The following ADCY1 variants were observed in gnomAD, a reference collection of about 807,000 sequenced individuals.
ADCY1 encodes adenylate cyclase type 1.
ADCY1 carries 28 observed loss-of-function variants against 105.4 expected under a neutral mutation model. The observed-to-expected ratio is 0.27, with a 90% confidence interval of 0.20 to 0.36. The LOEUF (loss-of-function observed/expected upper bound fraction) is 0.36, where lower values mean the gene tolerates loss of function less well. ADCY1 is among the 10% of genes least tolerant of loss of function. The pLI is 1.00. For missense variants in ADCY1, 977 were observed against 1,434.2 expected, an observed-to-expected ratio of 0.68 and a Z score of 5.15; for synonymous variants, 655 against 623.8, an observed-to-expected ratio of 1.05 and a Z score of -0.75.
chr7:45,669,512 A>G (rs188243468), intron 8 of ADCY1, among the ~76,000 whole-genome samples: 1 of 152,038 alleles, frequency 6.6e-6, no homozygotes, highest in Non-Finnish European at 1.5e-5. Flanking sequence ...TTATAATTTC[A>G]GTTCTTTTAC....
Position 45,586,509 on chromosome 7 carries a change from A to G in ADCY1, c.640-6250A>G, listed in dbSNP as rs191625554. On this transcript the variant is annotated intron_variant, in intron 1 of 19. Transcript: ENST00000297323. ...TGAGTACCCATCACTGGCTCCAACA[A>G]TTATCAGCATTCTGCCGGCCCTGTT... 3.3e-5 allele frequency among the ~76,000 whole-genome samples: 5 copies of G among 152,300 alleles called. No homozygotes were observed. In the East Asian group the frequency reaches 9.6e-4, roughly 29 times the overall value.
At position 45,713,888 on chromosome 7, in the gene ADCY1, A is replaced by G. The variant is rs1026002662; in HGVS notation, c.3253A>G (p.Arg1085Gly). ...CPFGRAGLQG[R>G]RPPVCPMPGV... Reference sequence around the variant, plus strand: ...ATTTGGGAGAGCTGGCCTTCAGGGCAGACGTCCCCCCGTGTGCCCCATGCC... The same window carrying G: ...ATTTGGGAGAGCTGGCCTTCAGGGCGGACGTCCCCCCGTGTGCCCCATGCC... Residue 1085 changes from arginine to glycine, a missense_variant, in exon 20 of 20, where the codon AGA becomes GGA. By Grantham distance (125) the Arg-to-Gly change is moderately radical. Transcript: ENST00000297323. 6 of 780,596 alleles carry G rather than the reference A, an allele frequency of 7.7e-6. No homozygotes were observed. In the African/African-American group the frequency reaches 8.4e-5, roughly 11 times the overall value. 48.4% of individuals were successfully genotyped at this position (780,596 alleles called of 1,614,324 possible).
In ADCY1 at chr7:45,642,379, C is replaced by T. The variant is rs562936351; in HGVS notation, c.1021-6291C>T. Among the ~76,000 whole-genome samples the T allele has an allele frequency of 7.2e-5, 11 of 152,108 alleles. No individual in the cohort carries two copies. The South Asian group carries it at 2.3e-3, about 32-fold the overall frequency. On this transcript the variant is annotated intron_variant, in intron 4 of 19. Transcript: ENST00000297323. ...AGAATTAGATTAGACAAAGGGTGGT[C>T]AGGGGATGGACTGGGGATGGGTTGG...
chr7:45,713,695 G>T lies in ADCY1; in HGVS notation c.3060G>T (p.Val1020=). The change falls in exon 20 of 20, where the codon GTG becomes GTT. Residue 1020 remains valine (V), a splice_region_variant and synonymous_variant. Coordinates refer to ENST00000297323, the MANE Select transcript of ADCY1 (RefSeq NM_021116.4). Reference sequence around the variant, plus strand: ...CACTCACTTCTCTCCATCAACAGGTGACTGAGGAAGTCCACCGGCTGCTGA... The same window carrying T: ...CACTCACTTCTCTCCATCAACAGGTTACTGAGGAAGTCCACCGGCTGCTGA... ...DSTGVQGRIQ[V]TEEVHRLLRR... 1 of 779,558 alleles carries T rather than the reference G, an allele frequency of 1.3e-6. No individual in the cohort carries two copies. The highest frequency in any genetic ancestry group is 1.3e-5 in the South Asian group (1 of 74,486). 48.3% of individuals were successfully genotyped at this position (779,558 alleles called of 1,614,324 possible). A position where few individuals can be genotyped will look rare whatever the true frequency, so the allele number is the denominator to read the frequency against.
At chr7:45,692,340 C>T (rs1321721016) in intron 14 of ADCY1, among the ~76,000 whole-genome samples, 2 of 152,166 alleles carry the variant, frequency 1.3e-5, no homozygotes, top group South Asian at 2.1e-4. Context: ...GTGCTGGGGA[C>T]GCTCACATGG....
At chr7:45,687,245 G>A (rs1262945425) in intron 14 of ADCY1, among the ~76,000 whole-genome samples, 1 of 152,222 alleles carries the variant, frequency 6.6e-6, no homozygotes, top group African/African-American at 2.4e-5. Context: ...CAAACATCTG[G>A]GTACCAGGCT....
Position 45,574,898 on chromosome 7 carries a change from C to G in ADCY1, c.355C>G (p.Leu119Val), listed in dbSNP as rs1705420027. The G allele has an allele frequency of 6.2e-7, 1 of 1,611,824 alleles. No homozygotes were observed. Among genetic ancestry groups the G allele is most frequent in the African/African-American group, 1.3e-5 (1 of 74,890 alleles). ...CGTCCGGTCCCTGCAGGTGCCCCAG[C>G]TGCAGCAGGTCGGCCAGCTGGCGCT... Reference protein sequence around the residue: ...TNVRSLQVPQLQQVGQLALLF... With the variant: ...TNVRSLQVPQVQQVGQLALLF... The change falls in exon 1 of 20, where the codon CTG becomes GTG. Residue 119 changes from leucine (L) to valine (V), a missense_variant. Leu to Val is a conservative substitution (Grantham distance 32). Transcript: ENST00000297323. This position sits in a 1 kb window ranked among gnomAD's most constrained non-coding sequence, Gnocchi z 7.0.
At chr7:45,627,579 C>G (rs1252080147) in intron 4 of ADCY1, among the ~76,000 whole-genome samples, 1 of 152,198 alleles carries the variant, frequency 6.6e-6, no homozygotes, top group African/African-American at 2.4e-5. Flanking sequence ...ATTCTAGACT[C>G]CTTGGCCTGT....
intron 2 of ADCY1, 22 bp downstream of exon 2, chr7:45,592,930 G>A: frequency 1.2e-6 from 2 of 1,612,778 alleles, no homozygotes; most frequent in Non-Finnish European, 1.7e-6. Flanking sequence ...GGGCCAGTCA[G>A]CCTAGAGGGG....
intron 1 of ADCY1, among the ~76,000 whole-genome samples, chr7:45,581,102 C>G (rs12670925): frequency 0.27 from 40,328 of 152,022 alleles, 6,126 homozygotes; most frequent in East Asian, 0.49. Flanking sequence ...TCTAGTGTAT[C>G]TGTGTGACTT....
At chr7:45,645,254 T>C (rs1794628321) in intron 4 of ADCY1, among the ~76,000 whole-genome samples, 1 of 152,090 alleles carries the variant, frequency 6.6e-6, no homozygotes, top group Non-Finnish European at 1.5e-5. Flanking sequence ...GCAGTGACGG[T>C]CACACTTGAG....
In ADCY1 at chr7:45,708,838, G is replaced by A. The variant is rs947835918; in HGVS notation, c.2932+374G>A. Reference sequence around the variant, plus strand: ...GGGCTGTCCAGAAGGAGGCCTTGACGGGAGCCCCACTGTGCGGACTCCAGC... The same window carrying A: ...GGGCTGTCCAGAAGGAGGCCTTGACAGGAGCCCCACTGTGCGGACTCCAGC... On this transcript the variant is annotated intron_variant, in intron 18 of 19. Transcript: ENST00000297323. The surrounding 1 kb of genome is among the most constrained non-coding windows in gnomAD (Gnocchi z 4.7). 3.3e-5 allele frequency among the ~76,000 whole-genome samples: 5 copies of A among 152,196 alleles called. No individual in the cohort carries two copies. The highest frequency in any genetic ancestry group is 3.2e-3 in the Middle Eastern group (1 of 316).
At chr7:45,651,230 C>T (rs1794801662) in intron 5 of ADCY1, among the ~76,000 whole-genome samples, 1 of 152,100 alleles carries the variant, frequency 6.6e-6, no homozygotes, top group South Asian at 2.1e-4. Context: ...ACGGAAGATG[C>T]CTCCCAGCCA....
chr7:45,598,745 A>G (rs552207541), intron 2 of ADCY1, among the ~76,000 whole-genome samples: 1 of 152,246 alleles, frequency 6.6e-6, no homozygotes, highest in Non-Finnish European at 1.5e-5. Context: ...ATGGTTTTAC[A>G]GATGAGTTAG....
intron 2 of ADCY1, among the ~76,000 whole-genome samples, chr7:45,602,339 G>T (rs1793263054): frequency 1.3e-5 from 2 of 152,020 alleles, no homozygotes; most frequent in Admixed American, 1.3e-4. Flanking sequence ...GGCATAGGAG[G>T]TCACCCTCAG....
chr7:45,683,872 T>C (rs142492832), intron 11 of ADCY1, among the ~76,000 whole-genome samples: 75 of 152,354 alleles, frequency 4.9e-4, no homozygotes, highest in Middle Eastern at 3.4e-3. Context: ...TCTAAAATCC[T>C]GTTCCCAGGC....
At position 45,710,890 on chromosome 7, in the gene ADCY1, G is replaced by A. The variant is rs929974387; in HGVS notation, c.3057+238G>A. On this transcript the variant is annotated intron_variant, in intron 19 of 19. Coordinates refer to ENST00000297323, the MANE Select transcript of ADCY1 (RefSeq NM_021116.4). This position sits in a 1 kb window ranked among gnomAD's most constrained non-coding sequence, Gnocchi z 4.7. Reference sequence around the variant, plus strand: ...TCCTGAGTGACCAAGTGCAGTGGTGGGAGCACTGAGTCACTGGGTCCTGCT... The same window carrying A: ...TCCTGAGTGACCAAGTGCAGTGGTGAGAGCACTGAGTCACTGGGTCCTGCT... 6.6e-6 allele frequency among the ~76,000 whole-genome samples: 1 copy of A among 152,180 alleles called. No individual in the cohort carries two copies. The highest frequency in any genetic ancestry group is 1.5e-5 in the Non-Finnish European group (1 of 68,028).
chr7:45,703,275 A>T lies in ADCY1; in HGVS notation c.2455-101A>T. On this transcript the variant is annotated intron_variant, in intron 14 of 19. Coordinates refer to ENST00000297323, the MANE Select transcript of ADCY1 (RefSeq NM_021116.4). This position sits in a 1 kb window ranked among gnomAD's most constrained non-coding sequence, Gnocchi z 5.9. ...AGGAGCGTGGATGTAGACCATCAGC[A>T]CACCTGGAGTCCAGTTTGGATGATT... The T allele has an allele frequency of 9.2e-7, 1 of 1,085,638 alleles. No individual in the cohort carries two copies. Among genetic ancestry groups the T allele is most frequent in the Admixed American group, 1.7e-5 (1 of 58,402 alleles). 67.3% of individuals were successfully genotyped at this position (1,085,638 alleles called of 1,614,324 possible).
intron 4 of ADCY1, among the ~76,000 whole-genome samples, chr7:45,645,236 C>T (rs924431339): frequency 1.3e-5 from 2 of 152,122 alleles, no homozygotes; most frequent in Admixed American, 6.5e-5. Flanking sequence ...ACAGCTCGCC[C>T]ACACCATGCA....
Sources: gnomAD v4.1 joint callset for allele counts (sites outside exome capture counted in the v4.1 genomes callset) on GRCh38, gnomAD v4.1.1 for gene constraint, Gnocchi (gnomAD v3.1) non-coding constraint, MANE v1.5 for transcripts, NCBI Gene and HGNC (gene_info 2026-07-23, HGNC 2026-07-21) for gene names.